The following DAB1 variants were observed in gnomAD, a reference collection of about 807,000 sequenced individuals.
DAB1 encodes DAB adaptor protein 1, also known as disabled homolog 1.
DAB1 carries 15 observed loss-of-function variants against 64.6 expected under a neutral mutation model. The ratio of observed to expected loss-of-function variants is 0.23; its 90% CI spans 0.16 to 0.36. DAB1 has a LOEUF of 0.36. DAB1 is among the 10% of genes least tolerant of loss of function. The pLI, the probability that DAB1 is intolerant of heterozygous loss-of-function variation, is 1.00. For synonymous variants in DAB1, 235 were observed against 251.9 expected, an observed-to-expected ratio of 0.93 and a Z score of 0.64; for missense variants, 596 against 706.7, an observed-to-expected ratio of 0.84 and a Z score of 1.78.
At chr1:57,835,534 A>G (rs1404032783) in intron 1 of DAB1, among the ~76,000 whole-genome samples, 2 of 152,182 alleles carry the variant, frequency 1.3e-5, no homozygotes. Flanking sequence ...CAGAGAGTCC[A>G]GGTGACTCGG....
intron 2 of DAB1, among the ~76,000 whole-genome samples, chr1:57,199,522 C>T (rs1664920270): frequency 6.6e-6 from 1 of 152,190 alleles, no homozygotes; most frequent in South Asian, 2.1e-4. Context: ...GCCATGTCAA[C>T]TGTGAGTAAG....
intron 1 of DAB1, among the ~76,000 whole-genome samples, chr1:57,320,437 T>C (rs908945094): frequency 6.6e-6 from 1 of 152,194 alleles, no homozygotes; most frequent in Non-Finnish European, 1.5e-5. Context: ...ACTTCTTGAA[T>C]TTTGTAAGGT....
At chr1:57,598,706 G>A (rs1645540235) in intron 7 of DAB1, among the ~76,000 whole-genome samples, 1 of 152,168 alleles carries the variant, frequency 6.6e-6, no homozygotes, top group South Asian at 2.1e-4. Context: ...GCCTGAGCAT[G>A]GCAATCAGAG....
rs186851727 is a variant in DAB1 at position 57,756,317 on chromosome 1, G to A, written n.552-106652C>T. 3.4e-5 allele frequency among the ~76,000 whole-genome samples: 5 copies of A among 146,752 alleles called. No homozygotes were observed. The East Asian group carries it at 5.8e-4, about 17-fold the overall frequency. On this transcript the variant is annotated intron_variant and non_coding_transcript_variant, in intron 6 of 20. Coordinates refer to the DAB1 transcript ENST00000485760. ...TTGATTAATATCATGACACAGAACAGCACCAAGAAGTCACACTGAGATATA... is the reference window on the plus strand; with the variant it reads ...TTGATTAATATCATGACACAGAACAACACCAAGAAGTCACACTGAGATATA...
intron 7 of DAB1, among the ~76,000 whole-genome samples, chr1:57,610,858 G>A (rs966349932): frequency 1.3e-5 from 2 of 152,144 alleles, no homozygotes; most frequent in Admixed American, 6.5e-5. Context: ...AGATTTGGGC[G>A]GGGACACAGC....
intron 4 of DAB1, among the ~76,000 whole-genome samples, chr1:58,209,305 C>A (rs1441537679): frequency 6.6e-6 from 1 of 152,096 alleles, no homozygotes; most frequent in Non-Finnish European, 1.5e-5. Flanking sequence ...ACGTAGGAAA[C>A]AAATTAATCG....
intron 5 of DAB1, among the ~76,000 whole-genome samples, chr1:58,075,742 C>A (rs972777967): frequency 3.3e-5 from 5 of 152,100 alleles, no homozygotes; most frequent in Admixed American, 2.6e-4. Context: ...GAGAGCTGTC[C>A]GACTCTCTCT....
At chr1:58,042,012 G>A (rs377600441) in intron 5 of DAB1, among the ~76,000 whole-genome samples, 11 of 152,294 alleles carry the variant, frequency 7.2e-5, no homozygotes, top group African/African-American at 2.4e-4. Context: ...TATCTACCAA[G>A]TCTCTTCCTT....
Position 58,067,653 on chromosome 1 carries a change from C to T in DAB1, n.387+82858G>A, listed in dbSNP as rs116970042. Among the ~76,000 whole-genome samples the T allele has an allele frequency of 1.4e-3, 217 of 152,300 alleles. 4 individuals carry two copies. The East Asian group carries it at 0.039, about 27-fold the overall frequency. Reference sequence around the variant, plus strand: ...TCTATCTATATTATTTTGTTAGGAACATTTTAAAAAAGTACAGGAGATACA... The same window carrying T: ...TCTATCTATATTATTTTGTTAGGAATATTTTAAAAAAGTACAGGAGATACA... On this transcript the variant is annotated intron_variant and non_coding_transcript_variant, in intron 5 of 20. Transcript: ENST00000485760.
At chr1:58,281,905 T>C (rs1273038731) in intron 4 of DAB1, among the ~76,000 whole-genome samples, 2 of 152,118 alleles carry the variant, frequency 1.3e-5, no homozygotes, top group Non-Finnish European at 2.9e-5. Flanking sequence ...ATCACCACTA[T>C]CACCACCACT....
chr1:57,747,174 T>C (rs1192783883), intron 6 of DAB1, among the ~76,000 whole-genome samples: 2 of 152,212 alleles, frequency 1.3e-5, no homozygotes, highest in African/African-American at 4.8e-5. Context: ...GGTTTGGTTT[T>C]TGACATTTAA....
At chr1:57,042,427 G>C (rs1246782602) in intron 9 of DAB1, among the ~76,000 whole-genome samples, 1 of 152,032 alleles carries the variant, frequency 6.6e-6, no homozygotes, top group Non-Finnish European at 1.5e-5. Flanking sequence ...CATACCCCTA[G>C]AGGACATGTT....
intron 6 of DAB1, among the ~76,000 whole-genome samples, chr1:57,776,055 C>T (rs1649783117): frequency 6.6e-6 from 1 of 151,552 alleles, no homozygotes; most frequent in Non-Finnish European, 1.5e-5. Context: ...ATATTCCAAC[C>T]ATTTACTTTT....
chr1:57,209,883 G>C (rs1489724521), intron 2 of DAB1, among the ~76,000 whole-genome samples: 2 of 152,042 alleles, frequency 1.3e-5, no homozygotes, highest in Non-Finnish European at 2.9e-5. Context: ...TACTGTAATA[G>C]GAACATAATG....
chr1:58,186,626 T>C (rs1278910978), intron 4 of DAB1, among the ~76,000 whole-genome samples: 1 of 152,224 alleles, frequency 6.6e-6, no homozygotes, highest in Non-Finnish European at 1.5e-5. Context: ...ATTAGTTTTA[T>C]TTTTCTGCAA....
At chr1:57,705,111 GT>G (rs1449264588) in intron 6 of DAB1, among the ~76,000 whole-genome samples, 2 of 152,060 alleles carry the variant, frequency 1.3e-5, no homozygotes, top group Non-Finnish European at 2.9e-5. Context: ...CCTTTACATA[GT>G]ATTCTACTCA....
intron 2 of DAB1, among the ~76,000 whole-genome samples, chr1:57,184,353 G>C (rs549418318): frequency 3.3e-5 from 5 of 152,116 alleles, no homozygotes; most frequent in African/African-American, 1.2e-4. Context: ...TAGTGGTTAC[G>C]CTGCATCCGT....
chr1:57,993,640 C>T (rs959809085), intron 5 of DAB1, among the ~76,000 whole-genome samples: 4 of 152,130 alleles, frequency 2.6e-5, no homozygotes, highest in South Asian at 4.1e-4. Flanking sequence ...AGAAATGACA[C>T]GGTTTTAGTG....
intron 5 of DAB1, among the ~76,000 whole-genome samples, chr1:58,066,941 C>A (rs1648891608): frequency 6.6e-6 from 1 of 152,210 alleles, no homozygotes; most frequent in East Asian, 1.9e-4. Flanking sequence ...GCACTCAGGG[C>A]TCTGCAGGGC....
Sources: gnomAD v4.1 joint callset for allele counts (sites outside exome capture counted in the v4.1 genomes callset) on GRCh38, gnomAD v4.1.1 for gene constraint, MANE v1.5 for transcripts, NCBI Gene and HGNC (gene_info 2026-07-23, HGNC 2026-07-21) for gene names.